The following LYPD6 variants were observed in gnomAD, a reference collection of about 807,000 sequenced individuals.
LYPD6 encodes LY6/PLAUR domain containing 6.
Under a neutral mutation model 22.7 loss-of-function variants are expected in LYPD6, and 15 were observed. That is an observed-to-expected ratio of 0.66 (90% CI 0.44 to 1.02). The LOEUF is 1.02. Among genes scored for constraint, LYPD6 ranks in the 50% least tolerant of loss-of-function variants. LYPD6 has a pLI of 0.00. For synonymous variants in LYPD6, 72 were observed against 77.5 expected (o/e 0.93, Z 0.37); for missense variants, 189 against 208.4 (o/e 0.91, Z 0.57).
the LYPD6 span, among the ~76,000 whole-genome samples, chr2:149,485,058 A>G: frequency 4.4e-4 from 67 of 152,168 alleles, no homozygotes; most frequent in African/African-American, 1.5e-3. Flanking sequence ...CTGATATTAA[A>G]CCTTCCATAA....
chr2:149,342,523 C>T (rs1359242463), intron 1 of LYPD6, among the ~76,000 whole-genome samples: 2 of 152,056 alleles, frequency 1.3e-5, no homozygotes, highest in South Asian at 2.1e-4. Context: ...TAGAGTAAAC[C>T]AGAGGCCAAT....
intron 1 of LYPD6, among the ~76,000 whole-genome samples, chr2:149,415,762 G>A (rs144827589): frequency 0.022 from 3,378 of 152,202 alleles, 106 homozygotes; most frequent in African/African-American, 0.078. Context: ...AACCTCCTGG[G>A]CTCAAGTGAT....
the LYPD6 span, among the ~76,000 whole-genome samples, chr2:149,485,734 C>T: frequency 6.6e-6 from 1 of 152,152 alleles, no homozygotes; most frequent in African/African-American, 2.4e-5. Flanking sequence ...CTTTTCAAAG[C>T]ATTTTAAGAT....
chr2:149,394,615 C>T (rs113741134), intron 1 of LYPD6, among the ~76,000 whole-genome samples: 1,884 of 151,646 alleles, frequency 0.012, 34 homozygotes, highest in African/African-American at 0.04. Context: ...CATTTTGGTG[C>T]TCATTCTTTC....
chr2:149,392,491 TCTTCTCTCAA>T (rs1399228809), intron 1 of LYPD6, among the ~76,000 whole-genome samples: 18 of 152,226 alleles, frequency 1.2e-4, no homozygotes, highest in African/African-American at 4.3e-4. Flanking sequence ...ATAACTCAGC[TCTTCTCTCAA>T]CTCTTGGAAA....
chr2:149,458,944 T>G (rs1315316692), intron 3 of LYPD6, among the ~76,000 whole-genome samples: 1 of 152,076 alleles, frequency 6.6e-6, no homozygotes, highest in Non-Finnish European at 1.5e-5. Context: ...GCCTCAGAGA[T>G]CTATGGAGCT....
In LYPD6 at chr2:149,335,230, C is replaced by T. The variant is rs571336645; in HGVS notation, c.-72+4508C>T. Among the ~76,000 whole-genome samples the T allele has an allele frequency of 1.5e-3, 233 of 151,972 alleles. 1 individual carries two copies. Among genetic ancestry groups the T allele is most frequent in the Non-Finnish European group, 2.7e-3 (182 of 67,994 alleles). ...ATTGTTATCATAGGAGATGTCAGCT[C>T]CATGCGTGTTATTGCCCCTGAAGAC... is the stretch of plus-strand genomic sequence containing the variant. On this transcript the variant is annotated intron_variant, in intron 1 of 4. Transcript: ENST00000334166.
intron 3 of LYPD6, chr2:149,464,274 A>G (rs941533292): frequency 3.2e-6 from 1 of 309,792 alleles, no homozygotes; most frequent in Non-Finnish European, 6.5e-6. Context: ...GAGGAAGATC[A>G]GGAAGATTTC....
intron 1 of LYPD6, among the ~76,000 whole-genome samples, chr2:149,408,151 G>A (rs888726656): frequency 1.3e-5 from 2 of 152,160 alleles, no homozygotes; most frequent in Non-Finnish European, 2.9e-5. Flanking sequence ...CTACTTGGGG[G>A]TGCCTCCCAG....
Position 149,469,085 on chromosome 2 carries a change from T to C in LYPD6, c.348+310T>C, listed in dbSNP as rs181993946. On this transcript the variant is annotated intron_variant, in intron 4 of 4. Coordinates refer to ENST00000334166, the MANE Select transcript of LYPD6 (RefSeq NM_194317.5). ...AAAAAGAGGAGCAAGAGACCAGTTA[T>C]GTCCATCACAGTGAAGCTTTGCAGA... Among the ~76,000 whole-genome samples the C allele has an allele frequency of 7.4e-3, 1,126 of 152,354 alleles. 7 individuals are homozygous for C. Among genetic ancestry groups the C allele is most frequent in the South Asian group, 0.012 (59 of 4,830 alleles).
intron 1 of LYPD6, among the ~76,000 whole-genome samples, chr2:149,362,396 C>T (rs1681588930): frequency 6.6e-6 from 1 of 151,960 alleles, no homozygotes; most frequent in Admixed American, 6.6e-5. Context: ...TATTTTTAGG[C>T]TAGGTTTGAT....
chr2:149,331,934 A>G (rs918693286), intron 1 of LYPD6, among the ~76,000 whole-genome samples: 8 of 152,200 alleles, frequency 5.3e-5, no homozygotes, highest in Non-Finnish European at 4.4e-5. Flanking sequence ...TAAAGCCATT[A>G]CATTTTCTTT....
At chr2:149,384,363 A>G (rs1682132704) in intron 1 of LYPD6, among the ~76,000 whole-genome samples, 3 of 152,236 alleles carry the variant, frequency 2.0e-5, no homozygotes. Flanking sequence ...CTCAAATGAC[A>G]TCTGCAATAG....
At position 149,332,519 on chromosome 2, in the gene LYPD6, T is replaced by C. The variant is rs563110643; in HGVS notation, c.-72+1797T>C. 4.6e-5 allele frequency among the ~76,000 whole-genome samples: 7 copies of C among 152,372 alleles called. No homozygotes were observed. The South Asian group carries it at 1.4e-3, about 32-fold the overall frequency. On this transcript the variant is annotated intron_variant, in intron 1 of 4. Transcript: ENST00000334166. Reference sequence around the variant, plus strand: ...GGCATATTGAAATCTACTATTAAAGTGTCTGAGGAAATCATATCTTTATCA... The same window carrying C: ...GGCATATTGAAATCTACTATTAAAGCGTCTGAGGAAATCATATCTTTATCA...
chr2:149,354,141 C>T (rs1471543529), intron 1 of LYPD6, among the ~76,000 whole-genome samples: 3 of 152,150 alleles, frequency 2.0e-5, no homozygotes, highest in Non-Finnish European at 4.4e-5. Flanking sequence ...GAGGTGGGAG[C>T]AGTGATGATG....
chr2:149,459,115 A>G (rs1681031447), intron 3 of LYPD6, among the ~76,000 whole-genome samples: 1 of 152,230 alleles, frequency 6.6e-6, no homozygotes, highest in Non-Finnish European at 1.5e-5. Context: ...ACAAAAACAC[A>G]TAATAATAAA....
chr2:149,360,609 GT>G (rs113615324), intron 1 of LYPD6, among the ~76,000 whole-genome samples: 186 of 141,408 alleles, frequency 1.3e-3, no homozygotes, highest in South Asian at 3.8e-3. Context: ...GTCTTTACTT[GT>G]TTTTTTTTTT....
At chr2:149,476,785 C>T (rs1457704724), downstream of LYPD6, among the ~76,000 whole-genome samples, 2 of 152,196 alleles carry the variant, frequency 1.3e-5, no homozygotes, top group Non-Finnish European at 2.9e-5. Flanking sequence ...GGAGTCTGAG[C>T]ACATGCCATC....
intron 1 of LYPD6, among the ~76,000 whole-genome samples, chr2:149,390,203 A>C (rs1197143495): frequency 1.3e-5 from 2 of 152,198 alleles, no homozygotes; most frequent in East Asian, 3.9e-4. Flanking sequence ...GAAAATCTTT[A>C]ACCATGCAAT....
Sources: allele counts gnomAD v4.1 joint callset (sites outside exome capture counted in the v4.1 genomes callset), GRCh38; gene constraint gnomAD v4.1.1; transcripts MANE v1.5; gene names NCBI Gene and HGNC (gene_info 2026-07-23, HGNC 2026-07-21).